The following EIF4ENIF1 variants were observed in gnomAD, a reference collection of about 807,000 sequenced individuals.
The protein encoded by EIF4ENIF1 is eukaryotic translation initiation factor 4E nuclear import factor 1.
Under a neutral mutation model 110.5 loss-of-function variants are expected in EIF4ENIF1, and 23 were observed. The ratio of observed to expected loss-of-function variants is 0.21; its 90% CI spans 0.15 to 0.29. The LOEUF (loss-of-function observed/expected upper bound fraction) is 0.29. Ranked by LOEUF, EIF4ENIF1 falls within the 10% of genes least tolerant of loss-of-function variation. EIF4ENIF1 has a pLI of 1.00. For synonymous variants in EIF4ENIF1, 440 were observed against 437.0 expected (o/e 1.01, Z -0.09); for missense variants, 1,031 against 1,221.1 (o/e 0.84, Z 2.32).
chr22:31,471,480 A>C (rs2051377551), intron 3 of EIF4ENIF1, among the ~76,000 whole-genome samples: 1 of 152,054 alleles, frequency 6.6e-6, no homozygotes, highest in African/African-American at 2.4e-5. Flanking sequence ...ACGCCTGGCT[A>C]ATTTTTTGTA....
At chr22:31,470,635 T>A (rs918563165) in intron 3 of EIF4ENIF1, among the ~76,000 whole-genome samples, 3 of 152,030 alleles carry the variant, frequency 2.0e-5, no homozygotes, top group Non-Finnish European at 4.4e-5. Flanking sequence ...CTACATTTTT[T>A]TTAACATATA....
intron 2 of EIF4ENIF1, among the ~76,000 whole-genome samples, chr22:31,484,600 A>C (rs2051948267): frequency 1.3e-5 from 2 of 152,036 alleles, no homozygotes; most frequent in African/African-American, 2.4e-5. Flanking sequence ...TTGGGAAGCC[A>C]AGGTGGGCGG....
intron 2 of EIF4ENIF1, among the ~76,000 whole-genome samples, chr22:31,477,340 A>G (rs2051614064): frequency 6.8e-6 from 1 of 146,474 alleles, no homozygotes; most frequent in African/African-American, 2.5e-5. Context: ...TCGGCAACAG[A>G]ACAAGACCTC....
In EIF4ENIF1 at chr22:31,463,862, C is replaced by T. The variant is rs144947064; in HGVS notation, c.404G>A (p.Arg135His). ...ATCTTTCTCTAATGGACTTCCTGAGCGCCGGGAGCTAACAGCGGCTGTCAC... is the reference window on the plus strand; with the variant it reads ...ATCTTTCTCTAATGGACTTCCTGAGTGCCGGGAGCTAACAGCGGCTGTCAC... ...CHVTAAVSSR[R>H]SGSPLEKDSD... The change falls in exon 5 of 19, where the codon CGC becomes CAC. Residue 135 changes from arginine to histidine, a missense_variant. Arg to His is a conservative substitution (Grantham distance 29). Transcript: ENST00000330125. 1.3e-5 allele frequency: 21 copies of T among 1,613,954 alleles called. No homozygotes were observed. The highest frequency in any genetic ancestry group is 6.7e-5 in the African/African-American group (5 of 74,868).
chr22:31,488,093 T>C (rs1487608803), intron 2 of EIF4ENIF1, among the ~76,000 whole-genome samples: 1 of 152,200 alleles, frequency 6.6e-6, no homozygotes, highest in Non-Finnish European at 1.5e-5. Context: ...TTTAAGCATC[T>C]CCAGTTTTTA....
chr22:31,445,901 A>C (rs1160945110), intron 14 of EIF4ENIF1, among the ~76,000 whole-genome samples: 1 of 151,420 alleles, frequency 6.6e-6, no homozygotes, highest in East Asian at 2.0e-4. Flanking sequence ...GTTTTGAGTA[A>C]GCCATGTTTT....
intron 2 of EIF4ENIF1, among the ~76,000 whole-genome samples, chr22:31,481,971 A>C (rs2051831423): frequency 3.3e-5 from 5 of 151,852 alleles, no homozygotes; most frequent in Admixed American, 3.3e-4. Flanking sequence ...GGAGTTGGAG[A>C]CCAGCCTGGG....
Position 31,449,463 on chromosome 22 carries a change from C to G in EIF4ENIF1, c.1653G>C (p.Leu551Phe). The G allele has an allele frequency of 6.2e-7, 1 of 1,614,166 alleles. No homozygotes were observed. Among genetic ancestry groups the G allele is most frequent in the Non-Finnish European group, 8.5e-7 (1 of 1,180,024 alleles). Residue 551 changes from leucine to phenylalanine, a missense_variant, in exon 12 of 19, where the codon TTG (leucine) becomes TTC (phenylalanine). Leu to Phe is a conservative substitution (Grantham distance 22). Transcript: ENST00000330125. Reference sequence around the variant, plus strand: ...GGCCCAGTAAAGATGTTGTAGGCTCCAAGCTCCCCATAAGGCCACTCAGAA... The same window carrying G: ...GGCCCAGTAAAGATGTTGTAGGCTCGAAGCTCCCCATAAGGCCACTCAGAA... The part of the protein sequence containing the change: ...SNLLSGLMGS[L>F]EPTTSLLGQR...
At chr22:31,468,062 G>C in intron 4 of EIF4ENIF1, 113 bp downstream of exon 4, 1 of 1,454,168 alleles carries the variant, frequency 6.9e-7, no homozygotes, top group Non-Finnish European at 9.3e-7. Context: ...TCAGTTTCCT[G>C]ATAATGACAT....
chr22:31,484,772 C>A (rs1172989829), intron 2 of EIF4ENIF1, among the ~76,000 whole-genome samples: 1 of 151,680 alleles, frequency 6.6e-6, no homozygotes, highest in African/African-American at 2.4e-5. Context: ...GCGGAGGTTG[C>A]GGTGAGCGGA....
chr22:31,480,218 A>C (rs1367597206), intron 2 of EIF4ENIF1, among the ~76,000 whole-genome samples: 1 of 152,228 alleles, frequency 6.6e-6, no homozygotes, highest in East Asian at 1.9e-4. Context: ...AGCCTTCCTT[A>C]AAGAAAATGT....
At chr22:31,491,069 G>A (rs765870188), upstream of EIF4ENIF1, among the ~76,000 whole-genome samples, 2 of 152,076 alleles carry the variant, frequency 1.3e-5, no homozygotes, top group Admixed American at 6.6e-5. Context: ...TGCACATCAG[G>A]CCTGAGTTTG....
chr22:31,464,107 T>A (rs2051092745), intron 4 of EIF4ENIF1, 140 bp from the exon 5 acceptor site: 1 of 1,043,028 alleles, frequency 9.6e-7, no homozygotes, highest in Middle Eastern at 3.2e-4. Flanking sequence ...ATCAGCAGAT[T>A]CAGGGTAACA....
intron 2 of EIF4ENIF1, among the ~76,000 whole-genome samples, chr22:31,478,405 A>T (rs1221564185): frequency 6.6e-6 from 1 of 151,290 alleles, no homozygotes; most frequent in Non-Finnish European, 1.5e-5. Context: ...CCCAGGTACT[A>T]TTCAGGAGGC....
intron 2 of EIF4ENIF1, among the ~76,000 whole-genome samples, chr22:31,482,300 A>T (rs2051846940): frequency 6.6e-6 from 1 of 152,220 alleles, no homozygotes; most frequent in Non-Finnish European, 1.5e-5. Flanking sequence ...TCCCTGTCCA[A>T]CTGGCAGGTG....
rs751629079 is a variant in EIF4ENIF1, at chr22:31,441,758, C to T, written c.2551+16G>A. The T allele has an allele frequency of 4.4e-6, 7 of 1,595,118 alleles. No homozygotes were observed. The East Asian group carries it at 1.6e-4, about 36-fold the overall frequency. On this transcript the variant is annotated intron_variant, in intron 17 of 18. Coordinates refer to ENST00000330125, the MANE Select transcript of EIF4ENIF1 (RefSeq NM_019843.4). ...GCCCACAAACTGACGACACCCAAGT[C>T]AGGCTGGAAACTCACCAGTTTGGAG...
chr22:31,488,012 A>G (rs1390353455), intron 2 of EIF4ENIF1, among the ~76,000 whole-genome samples: 2 of 152,138 alleles, frequency 1.3e-5, no homozygotes, highest in South Asian at 2.1e-4. Flanking sequence ...CCAACAAGAC[A>G]TGTACTGATG....
In EIF4ENIF1 at chr22:31,448,180, G is replaced by A. The variant is rs1249922244; in HGVS notation, c.1821C>T (p.Arg607=). 1 of 1,614,186 alleles carries A rather than the reference G, an allele frequency of 6.2e-7. No individual in the cohort carries two copies. The highest frequency in any genetic ancestry group is 8.5e-7 in the Non-Finnish European group (1 of 1,180,032). Residue 607 remains arginine, a synonymous_variant, in exon 13 of 19, where the codon CGC becomes CGT. Transcript: ENST00000330125. ...QLLGDPFQGM[R]KPMSPITAQM... is the part of the protein sequence containing the mutation. ...GGGCTGTGATGGGGCTCATGGGTTT[G>A]CGCATGCCTTGGAATGGATCTCCGA... is the stretch of plus-strand genomic sequence containing the variant.
At chr22:31,444,454 G>T (rs2050398684) in intron 15 of EIF4ENIF1, 152 bp downstream of exon 15, 3 of 720,652 alleles carry the variant, frequency 4.2e-6, no homozygotes, top group African/African-American at 3.5e-5. Context: ...TCCTAAAAGG[G>T]AAAGACCTAA....
Sources: gnomAD v4.1 joint callset for allele counts (sites outside exome capture counted in the v4.1 genomes callset) on GRCh38, gnomAD v4.1.1 for gene constraint, MANE v1.5 for transcripts, NCBI Gene and HGNC (gene_info 2026-07-23, HGNC 2026-07-21) for gene names.